TSPAN5: variants seen among roughly 807,000 people sequenced by gnomAD.
The protein encoded by TSPAN5 is tetraspanin-5.
TSPAN5 carries 10 observed loss-of-function variants against 37.1 expected under a neutral mutation model. The ratio of observed to expected loss-of-function variants is 0.27; its 90% confidence interval spans 0.17 to 0.46. TSPAN5 has a LOEUF of 0.46. Among genes scored for constraint, TSPAN5 ranks in the 20% least tolerant of loss-of-function variants. The pLI is 1.00. For missense variants in TSPAN5, 195 were observed against 326.6 expected (o/e 0.60, Z 3.11); for synonymous variants, 110 against 118.9 (o/e 0.93, Z 0.48).
chr4:98,526,727 T>G (rs962692912), intron 1 of TSPAN5, among the ~76,000 whole-genome samples: 3 of 152,080 alleles, frequency 2.0e-5, no homozygotes, highest in Admixed American at 2.0e-4. Flanking sequence ...AGGATAGAAT[T>G]CTAAGAAATG....
Position 98,472,325 on chromosome 4 carries a change from TACTGG to T in TSPAN5, c.*192_*196del. 1 of 480,026 alleles carries T rather than the reference TACTGG, an allele frequency of 2.1e-6. No individual in the cohort carries two copies. 29.7% of individuals were successfully genotyped at this position (480,026 alleles called of 1,614,324 possible). A position where few individuals can be genotyped will look rare whatever the true frequency, so the allele number is the denominator to read the frequency against. The stretch of plus-strand genomic sequence containing the variant: ...GAGATTCACGGCGCAACGACTTTCA[TACTGG>T]TTATTTTTTTTTTTAATTCTGTCAG... On this transcript the variant is annotated 3_prime_UTR_variant, in exon 8 of 8. Transcript: ENST00000305798.
chr4:98,507,609 G>T, intron 2 of TSPAN5, 69 bp downstream of exon 2: 1 of 1,178,824 alleles, frequency 8.5e-7, no homozygotes, highest in South Asian at 1.4e-5. Context: ...GAGAAAGGGG[G>T]ATAATACATA....
chr4:98,642,524 C>T (rs1464222473), intron 1 of TSPAN5, among the ~76,000 whole-genome samples: 3 of 152,082 alleles, frequency 2.0e-5, no homozygotes, highest in African/African-American at 4.8e-5. Flanking sequence ...TAGTATACTA[C>T]AGTAAAGAAA....
At chr4:98,505,892 G>C (rs1293091908) in intron 2 of TSPAN5, among the ~76,000 whole-genome samples, 1 of 152,186 alleles carries the variant, frequency 6.6e-6, no homozygotes, top group Non-Finnish European at 1.5e-5. Flanking sequence ...GAGAAATCTT[G>C]ATGGTGGCCC....
intron 1 of TSPAN5, among the ~76,000 whole-genome samples, chr4:98,579,188 A>G (rs2110192507): frequency 6.6e-6 from 1 of 152,188 alleles, no homozygotes; most frequent in Non-Finnish European, 1.5e-5. Context: ...TCCACCCCCA[A>G]GAGCCCAGGC....
chr4:98,495,373 C>CA (rs1299176632), intron 2 of TSPAN5, among the ~76,000 whole-genome samples: 1 of 151,894 alleles, frequency 6.6e-6, no homozygotes, highest in South Asian at 2.1e-4. Flanking sequence ...ACTAAAAATA[C>CA]AAAAAATTAG....
intron 1 of TSPAN5, among the ~76,000 whole-genome samples, chr4:98,646,922 C>T (rs1262929565): frequency 6.6e-6 from 1 of 152,130 alleles, no homozygotes; most frequent in African/African-American, 2.4e-5. Flanking sequence ...CCGAGATAGA[C>T]GTTATCTTAA....
chr4:98,609,522 C>A (rs2110232180), intron 1 of TSPAN5, among the ~76,000 whole-genome samples: 1 of 152,306 alleles, frequency 6.6e-6, no homozygotes, highest in South Asian at 2.1e-4. Flanking sequence ...CAGCCAGCAG[C>A]CCCTGTAACA....
At chr4:98,509,344 C>T (rs1381935706) in intron 1 of TSPAN5, among the ~76,000 whole-genome samples, 1 of 152,136 alleles carries the variant, frequency 6.6e-6, no homozygotes, top group African/African-American at 2.4e-5. Context: ...GTTCCTGATA[C>T]TTTGTAAGCA....
At chr4:98,520,061 T>C (rs13123700) in intron 1 of TSPAN5, among the ~76,000 whole-genome samples, 118,325 of 152,146 alleles carry the variant, frequency 0.78, 46,805 homozygotes, top group African/African-American at 0.93. Context: ...TCATTAAGGC[T>C]ACATATAGTC....
intron 1 of TSPAN5, among the ~76,000 whole-genome samples, chr4:98,543,535 C>A (rs570683874): frequency 6.6e-6 from 1 of 151,974 alleles, no homozygotes; most frequent in East Asian, 1.9e-4. Flanking sequence ...CCTGCCTCAG[C>A]CTCCCAAGTA....
intron 2 of TSPAN5, among the ~76,000 whole-genome samples, chr4:98,507,393 T>C (rs1174190375): frequency 6.6e-6 from 1 of 152,210 alleles, no homozygotes; most frequent in Non-Finnish European, 1.5e-5. Flanking sequence ...TGAGAAAATA[T>C]CCCATAGGAA....
chr4:98,654,864 T>A (rs996546484), intron 1 of TSPAN5, among the ~76,000 whole-genome samples: 4 of 152,228 alleles, frequency 2.6e-5, no homozygotes, highest in African/African-American at 9.6e-5. Flanking sequence ...TTTGTTTTTT[T>A]TGAGACGGAG....
At chr4:98,515,743 C>T (rs1330451642) in intron 1 of TSPAN5, among the ~76,000 whole-genome samples, 1 of 113,404 alleles carries the variant, frequency 8.8e-6, no homozygotes. Context: ...TCCTCAATTT[C>T]AGCTTGAGGG....
intron 1 of TSPAN5, among the ~76,000 whole-genome samples, chr4:98,610,067 A>G (rs1270737211): frequency 6.6e-6 from 1 of 152,246 alleles, no homozygotes. Context: ...AGCTCATCTT[A>G]GTCCATTCTG....
chr4:98,500,626 T>A (rs2110279459), intron 2 of TSPAN5, among the ~76,000 whole-genome samples: 1 of 152,348 alleles, frequency 6.6e-6, no homozygotes, highest in Non-Finnish European at 1.5e-5. Flanking sequence ...GTCATTCTCT[T>A]AAAGTTAACT....
intron 1 of TSPAN5, among the ~76,000 whole-genome samples, chr4:98,582,479 G>A (rs1026760081): frequency 3.3e-5 from 5 of 152,158 alleles, no homozygotes; most frequent in African/African-American, 1.2e-4. Flanking sequence ...AGAAAATCAC[G>A]CAAAGAGATT....
intron 1 of TSPAN5, among the ~76,000 whole-genome samples, chr4:98,543,638 T>C (rs1754409431): frequency 1.3e-5 from 2 of 151,904 alleles, no homozygotes. Flanking sequence ...CAGGTTGGTC[T>C]TGAACTCCTG....
intron 5 of TSPAN5, among the ~76,000 whole-genome samples, chr4:98,476,835 C>G (rs1257773468): frequency 1.3e-5 from 2 of 152,150 alleles, no homozygotes; most frequent in Non-Finnish European, 2.9e-5. Context: ...TTCATGTATG[C>G]TCTTTTGGAT....
Sources: allele counts gnomAD v4.1 joint callset (sites outside exome capture counted in the v4.1 genomes callset), GRCh38; gene constraint gnomAD v4.1.1; transcripts MANE v1.5; gene names NCBI Gene and HGNC (gene_info 2026-07-23, HGNC 2026-07-21).